HERC2: variants seen among roughly 807,000 people sequenced by gnomAD.
HERC2 encodes the protein HECT and RLD domain containing E3 ubiquitin protein ligase 2, also known as E3 ubiquitin-protein ligase HERC2.
A neutral mutation model predicts 537.7 loss-of-function variants in HERC2; 102 were observed. The observed-to-expected ratio is 0.19, with a 90% CI of 0.16 to 0.22. The LOEUF (loss-of-function observed/expected upper bound fraction) is 0.22. HERC2 is among the 10% of genes least tolerant of loss of function. HERC2 has a pLI of 1.00. For missense variants in HERC2, 4,236 were observed against 6,198.2 expected (o/e 0.68, Z 10.63); for synonymous variants, 2,224 against 2,466.2 (o/e 0.90, Z 2.91).
chr15:28,211,087 T>G lies in HERC2; in HGVS notation c.6984A>C (p.Ala2328=). The G allele has an allele frequency of 3.7e-6, 6 of 1,611,658 alleles. No individual in the cohort carries two copies. Among genetic ancestry groups the G allele is most frequent in the Non-Finnish European group, 5.1e-6 (6 of 1,179,546 alleles). ...CCTGGTGGGAGAGCAGCGCCCGACCTGCTTTCAGGATGTATAGCTTCAACT... is the reference window on the plus strand; with the variant it reads ...CCTGGTGGGAGAGCAGCGCCCGACCGGCTTTCAGGATGTATAGCTTCAACT... ...CQQLKLYILK[A]GRALLSHQDK... Residue 2328 remains alanine (A), a synonymous_variant, in exon 44 of 93, where the codon GCA becomes GCC. Coordinates refer to ENST00000261609, the MANE Select transcript of HERC2 (RefSeq NM_004667.6).
intron 6 of HERC2, 72 bp downstream of exon 6, chr15:28,274,833 T>C (rs530267476): frequency 8.3e-7 from 1 of 1,204,456 alleles, no homozygotes; most frequent in Non-Finnish European, 1.2e-6. Context: ...ACATGGTGGC[T>C]GAACCGAGTT....
rs182210492 is a variant in HERC2 at position 28,240,404 on chromosome 15, C to T, written c.3578-1632G>A. On this transcript the variant is annotated intron_variant, in intron 23 of 92. Coordinates refer to ENST00000261609, the MANE Select transcript of HERC2 (RefSeq NM_004667.6). ...CTACACTCCCGCCTGGGCGAAAGAG[C>T]GAGACTCCGTCTAAAAACAAAAATT... 3.4e-3 allele frequency among the ~76,000 whole-genome samples: 519 copies of T among 151,904 alleles called. 6 individuals are homozygous for T. The highest frequency in any genetic ancestry group is 0.012 in the African/African-American group (481 of 41,442).
rs367840349 is a variant in HERC2 at position 28,237,081 on chromosome 15, C to T, written c.3885G>A (p.Leu1295=). 10 of 1,570,532 alleles carry T rather than the reference C, an allele frequency of 6.4e-6. No homozygotes were observed. Among genetic ancestry groups the T allele is most frequent in the Non-Finnish European group, 8.8e-6 (10 of 1,142,050 alleles). Residue 1295 remains leucine, a synonymous_variant, in exon 26 of 93, where the codon CTG becomes CTA. Coordinates refer to ENST00000261609, the MANE Select transcript of HERC2 (RefSeq NM_004667.6). The part of the protein sequence containing the change: ...PDQEIVTIPD[L]GSLSSPLIDT... ...CTATCAGAGGTGAAGAGAGACTCCC[C>T]AGATCTGGTATGGTGACGATTTCTT...
intron 45 of HERC2, among the ~76,000 whole-genome samples, chr15:28,204,349 C>T (rs1233233334): frequency 3.3e-5 from 5 of 152,138 alleles, no homozygotes; most frequent in Non-Finnish European, 5.9e-5. Flanking sequence ...TGGCCAGGCA[C>T]GGTGGCTCAC....
Position 28,175,653 on chromosome 15 carries a change from T to G in HERC2, c.9690A>C (p.Gly3230=). Reference sequence around the variant, plus strand: ...GGCCCAATCTGAAGTAATCCCCCTTTCCCCTGAGAGAAGGCCCATGGTGGA... The same window carrying G: ...GGCCCAATCTGAAGTAATCCCCCTTGCCCCTGAGAGAAGGCCCATGGTGGA... The part of the protein sequence containing the change: ...LTKSGVVWTW[G]KGDYFRLGHG... Residue 3230 remains glycine (G), a synonymous_variant, in exon 64 of 93, where the codon GGA becomes GGC. Coordinates refer to ENST00000261609, the MANE Select transcript of HERC2 (RefSeq NM_004667.6). The G allele has an allele frequency of 6.2e-7, 1 of 1,614,016 alleles. No individual in the cohort carries two copies. Among genetic ancestry groups the G allele is most frequent in the Non-Finnish European group, 8.5e-7 (1 of 1,180,000 alleles).
intron 78 of HERC2, among the ~76,000 whole-genome samples, chr15:28,137,987 G>A (rs923911764): frequency 1.3e-5 from 2 of 152,212 alleles, no homozygotes; most frequent in Non-Finnish European, 2.9e-5. Flanking sequence ...TATAGAGAAT[G>A]TTTGGCATAG....
chr15:28,113,418 C>A lies in HERC2; in HGVS notation c.14020-135G>T. ...TCTGGGGGCTCTGGGTGGGCCCACA[C>A]ACAGCCTCCTGCAGGCGGGTGGAGG... On this transcript the variant is annotated intron_variant, in intron 91 of 92. Transcript: ENST00000261609. The surrounding 1 kb of genome is among the most constrained non-coding windows in gnomAD (Gnocchi z 7.0). 2.7e-6 allele frequency: 3 copies of A among 1,110,078 alleles called. No individual in the cohort carries two copies. Among genetic ancestry groups the A allele is most frequent in the Non-Finnish European group, 2.7e-6 (2 of 753,698 alleles). 68.8% of individuals were successfully genotyped at this position (1,110,078 alleles called of 1,614,324 possible). A position where few individuals can be genotyped will look rare whatever the true frequency, so the allele number is the denominator to read the frequency against.
chr15:28,137,325 CT>C (rs933660657), intron 78 of HERC2, among the ~76,000 whole-genome samples: 43 of 152,266 alleles, frequency 2.8e-4, no homozygotes, highest in African/African-American at 9.9e-4. Context: ...AATATGTGTG[CT>C]CCTGTATACA....
intron 40 of HERC2, 78 bp downstream of exon 40, chr15:28,214,577 A>G (rs1899667844): frequency 1.4e-6 from 2 of 1,472,456 alleles, no homozygotes; most frequent in Admixed American, 3.5e-5. Context: ...GGCACAGGGA[A>G]GGGAAACGGC....
chr15:28,206,055 T>G (rs1596223233), intron 45 of HERC2, among the ~76,000 whole-genome samples, 185 bp downstream of exon 45: 2 of 148,378 alleles, frequency 1.3e-5, no homozygotes, highest in Admixed American at 1.3e-4. Flanking sequence ...ACCCTCTCAG[T>G]CTTTAGTATT....
chr15:28,244,638 G>C (rs1489659568), intron 23 of HERC2, among the ~76,000 whole-genome samples: 2 of 152,170 alleles, frequency 1.3e-5, no homozygotes, highest in African/African-American at 4.8e-5. Flanking sequence ...CTGCTGATCT[G>C]ATCAAATGAA....
At chr15:28,274,169 C>T in intron 7 of HERC2, 122 bp downstream of exon 7, 1 of 869,656 alleles carries the variant, frequency 1.1e-6, no homozygotes, top group Non-Finnish European at 1.8e-6. Context: ...CACTGACAGC[C>T]CGCTGAAAAC....
At chr15:28,299,995 G>A (rs1242335343) in intron 2 of HERC2, among the ~76,000 whole-genome samples, 1 of 150,284 alleles carries the variant, frequency 6.7e-6, no homozygotes, top group Non-Finnish European at 1.5e-5. Flanking sequence ...AGAGGTTGCA[G>A]TGAGCCAAGA....
At chr15:28,283,074 C>G (rs1204140064) in intron 4 of HERC2, among the ~76,000 whole-genome samples, 3 of 143,952 alleles carry the variant, frequency 2.1e-5, no homozygotes, top group Admixed American at 7.0e-5. Context: ...TCTTGGGGAC[C>G]TATGGGACTA....
In HERC2 at chr15:28,248,707, A is replaced by G. The variant is rs1446323823; in HGVS notation, c.3080T>C (p.Leu1027Ser). ...RNIASQTVARLKDVARRISSC... is the reference protein window; with the variant it reads ...RNIASQTVARSKDVARRISSC... ...TGAAATCCGACGGGCAACATCTTTC[A>G]ATCTGGCTACAGTCTGAGAAGCAAT... The change falls in exon 21 of 93, where the codon TTG becomes TCG. Residue 1027 changes from leucine (L) to serine (S), a missense_variant. Coordinates refer to ENST00000261609, the MANE Select transcript of HERC2 (RefSeq NM_004667.6). 1 of 1,613,984 alleles carries G rather than the reference A, an allele frequency of 6.2e-7. No individual in the cohort carries two copies. Among genetic ancestry groups the G allele is most frequent in the African/African-American group, 1.3e-5 (1 of 74,938 alleles).
At chr15:28,224,466 C>A (rs921093610) in intron 35 of HERC2, among the ~76,000 whole-genome samples, 1 of 152,182 alleles carries the variant, frequency 6.6e-6, no homozygotes, top group African/African-American at 2.4e-5. Context: ...AAGCGACCCA[C>A]CCGCCTCAGC....
At chr15:28,319,584 C>CAAAAAA (rs1168038967) in intron 2 of HERC2, among the ~76,000 whole-genome samples, 5 of 58,248 alleles carry the variant, frequency 8.6e-5, no homozygotes, top group South Asian at 6.4e-4. Context: ...GACTGCGTCT[C>CAAAAAA]AAAAAAAAAA....
At chr15:28,305,164 C>T (rs1259924761) in intron 2 of HERC2, among the ~76,000 whole-genome samples, 278 of 142,640 alleles carry the variant, frequency 1.9e-3, no homozygotes, top group African/African-American at 5.5e-3. Flanking sequence ...TGAATAATGC[C>T]GCAATAAACA....
chr15:28,273,107 A>T (rs2075782821), intron 7 of HERC2, 103 bp from the exon 8 acceptor site: 2 of 803,190 alleles, frequency 2.5e-6, no homozygotes, highest in Non-Finnish European at 4.2e-6. Context: ...CAAAGGAAGG[A>T]TGTATTTTTA....
Sources: allele counts gnomAD v4.1 joint callset (sites outside exome capture counted in the v4.1 genomes callset), GRCh38; gene constraint gnomAD v4.1.1; non-coding constraint Gnocchi (gnomAD v3.1); transcripts MANE v1.5; gene names NCBI Gene and HGNC (gene_info 2026-07-23, HGNC 2026-07-21).